The following SPART variants were observed in gnomAD, a reference collection of about 807,000 sequenced individuals.
The protein encoded by SPART is spastic paraplegia 20 (Troyer syndrome).
In SPART, 35 loss-of-function variants were observed where a neutral mutation model predicts 58.7. The observed-to-expected ratio is 0.60, with a 90% CI of 0.46 to 0.79. The LOEUF is 0.79. SPART is among the 30% of genes least tolerant of loss of function. SPART has a pLI of 0.00. For missense variants in SPART, 730 were observed against 786.1 expected (o/e 0.93, Z 0.85); for synonymous variants, 284 against 280.7 (o/e 1.01, Z -0.12).
chr13:36,331,454 T>C lies in SPART; in HGVS notation c.953A>G (p.Asp318Gly), dbSNP rs1253035993. 2 of 1,614,084 alleles carry C rather than the reference T, an allele frequency of 1.2e-6. No individual in the cohort carries two copies. Among genetic ancestry groups the C allele is most frequent in the South Asian group, 2.2e-5 (2 of 91,074 alleles). Reference sequence around the variant, plus strand: ...CAGATCCTCAAAGAGCTCTCTATCATCCTCTGGTAACTCAGAGGACAGGAC... The same window carrying C: ...CAGATCCTCAAAGAGCTCTCTATCACCCTCTGGTAACTCAGAGGACAGGAC... ...GVVLSSELPE[D>G]DRELFEDLLR... Residue 318 changes from aspartate to glycine, a missense_variant, in exon 3 of 9, where the codon GAT becomes GGT. Coordinates refer to ENST00000438666, the MANE Select transcript of SPART (RefSeq NM_015087.5).
At chr13:36,334,494 C>T (rs1044467833) in intron 2 of SPART, among the ~76,000 whole-genome samples, 8 of 152,024 alleles carry the variant, frequency 5.3e-5, no homozygotes, top group African/African-American at 1.9e-4. Flanking sequence ...GCATCCGTGG[C>T]CTCTATCCAC....
At chr13:36,321,344 T>A (rs568696758) in intron 5 of SPART, among the ~76,000 whole-genome samples, 37 of 152,326 alleles carry the variant, frequency 2.4e-4, no homozygotes, top group African/African-American at 8.9e-4. Context: ...AGTAAATAAA[T>A]AATCTTTGCT....
intron 5 of SPART, among the ~76,000 whole-genome samples, chr13:36,322,666 T>C (rs947111497): frequency 7.2e-5 from 11 of 152,148 alleles, no homozygotes; most frequent in African/African-American, 9.7e-5. Context: ...AGGGGGAAAA[T>C]TGGCAGAAAA....
rs761179509 is a variant in SPART, at chr13:36,335,749, T to C, written c.82A>G (p.Asn28Asp). 4.3e-6 allele frequency: 7 copies of C among 1,613,958 alleles called. No individual in the cohort carries two copies. In the African/African-American group the frequency reaches 8.0e-5, roughly 18 times the overall value. ...EAYKKAFLFV[N>D]KGLNTDELGQ... ...AATTCATCTGTATTCAGACCTTTGT[T>C]AACAAATAAAAAGGCCTTCTTATAT... Residue 28 changes from asparagine (N) to aspartate (D), a missense_variant, in exon 2 of 9, where the codon AAC becomes GAC. Asn to Asp is a conservative substitution (Grantham distance 23, BLOSUM62 1). Transcript: ENST00000438666.
chr13:36,349,666 T>C (rs919418920), upstream of SPART, among the ~76,000 whole-genome samples: 1 of 152,228 alleles, frequency 6.6e-6, no homozygotes, highest in Non-Finnish European at 1.5e-5. Flanking sequence ...TAATACTGAA[T>C]TATGAAGCTG....
At chr13:36,360,871 T>A (rs1160555308) in intron 1 of SPART, 1 of 152,612 alleles carries the variant, frequency 6.6e-6, no homozygotes, top group Non-Finnish European at 1.5e-5. Flanking sequence ...TGGTAGTTAG[T>A]CTTTTAATAC....
intron 1 of SPART, among the ~76,000 whole-genome samples, chr13:36,352,909 A>G (rs906736264): frequency 6.6e-6 from 1 of 152,188 alleles, no homozygotes. Context: ...ACAGTGAGCC[A>G]TGTTCACATC....
At position 36,302,644 on chromosome 13, in the gene SPART, T is replaced by G. The variant is rs2137238391; in HGVS notation, c.*1721A>C. The G allele has an allele frequency of 6.6e-6, 1 of 152,324 alleles. No homozygotes were observed. The highest frequency in any genetic ancestry group is 2.4e-5 in the African/African-American group (1 of 41,580). 9.4% of individuals were successfully genotyped at this position (152,324 alleles called of 1,614,324 possible). A position where few individuals can be genotyped will look rare whatever the true frequency, so the allele number is the denominator to read the frequency against. Reference sequence around the variant, plus strand: ...ATGGGTACATGGTAGGTGTATATATTTATGGGATACATGAGATATTTTGAT... The same window carrying G: ...ATGGGTACATGGTAGGTGTATATATGTATGGGATACATGAGATATTTTGAT... On this transcript the variant is annotated 3_prime_UTR_variant, in exon 9 of 9. Coordinates refer to ENST00000438666, the MANE Select transcript of SPART (RefSeq NM_015087.5).
rs1184240207 is a variant in SPART, at chr13:36,318,937, C to A, written c.1289-4516G>T. 2.0e-5 allele frequency among the ~76,000 whole-genome samples: 3 copies of A among 152,144 alleles called. No individual in the cohort carries two copies. In the East Asian group the frequency reaches 5.8e-4, roughly 29 times the overall value. On this transcript the variant is annotated intron_variant, in intron 5 of 8. Transcript: ENST00000438666. ...GAAGACTGACACTGCCCGATCGCCT[C>A]GGAAGCCCCCTAGACCATCACGGAC...
chr13:36,340,903 TCA>T (rs1212475351), intron 1 of SPART, among the ~76,000 whole-genome samples: 1 of 152,198 alleles, frequency 6.6e-6, no homozygotes, highest in Non-Finnish European at 1.5e-5. Context: ...ACTAAATGTT[TCA>T]GTTTTGATTG....
chr13:36,318,137 G>C (rs1048973730), intron 5 of SPART, among the ~76,000 whole-genome samples: 1 of 152,090 alleles, frequency 6.6e-6, no homozygotes, highest in Admixed American at 6.5e-5. Flanking sequence ...CTGCCAGGCC[G>C]AGCTAGGTCC....
upstream of SPART, among the ~76,000 whole-genome samples, chr13:36,350,657 A>G (rs1251282589): frequency 2.6e-5 from 4 of 152,322 alleles, no homozygotes; most frequent in Middle Eastern, 3.4e-3. Flanking sequence ...TCTAAAAAAA[A>G]TAATTCTCTA....
intron 5 of SPART, among the ~76,000 whole-genome samples, chr13:36,317,587 C>A (rs1237974007): frequency 1.3e-5 from 2 of 151,236 alleles, no homozygotes; most frequent in Non-Finnish European, 2.9e-5. Context: ...TATTTCCACG[C>A]CCTGACCTCT....
intron 8 of SPART, among the ~76,000 whole-genome samples, chr13:36,310,796 C>T (rs534197317): frequency 2.6e-5 from 4 of 152,124 alleles, no homozygotes; most frequent in African/African-American, 7.2e-5. Flanking sequence ...AGGAAGAACA[C>T]CCATAGACTT....
intron 1 of SPART, among the ~76,000 whole-genome samples, chr13:36,339,512 C>T (rs1200384960): frequency 2.7e-5 from 4 of 150,908 alleles, no homozygotes; most frequent in African/African-American, 9.7e-5. Context: ...TGCACCTGTA[C>T]CCCAGCTACT....
rs2137315761 is a variant in SPART, at chr13:36,312,353, A to G, written c.1608T>C (p.Asp536=). 1 of 1,614,132 alleles carries G rather than the reference A, an allele frequency of 6.2e-7. No individual in the cohort carries two copies. Among genetic ancestry groups the G allele is most frequent in the Non-Finnish European group, 8.5e-7 (1 of 1,180,012 alleles). ...KKDKDGKSPL[D]GAMVVAASSV... The stretch of plus-strand genomic sequence containing the variant: ...TACTTGCTGCTACAACCATAGCACC[A>G]TCCAGAGGAGATTTCCCATCTTTGT... The change falls in exon 7 of 9, where the codon GAT becomes GAC. Residue 536 remains aspartate, a synonymous_variant. Transcript: ENST00000438666.
Position 36,335,150 on chromosome 13 carries a change from T to C in SPART, c.681A>G (p.Gly227=). 1.2e-6 allele frequency: 2 copies of C among 1,614,104 alleles called. No individual in the cohort carries two copies. The highest frequency in any genetic ancestry group is 1.7e-6 in the Non-Finnish European group (2 of 1,179,994). ...CAGGATTTACAAAAAAAATCTGTAC[T>C]CCATTTGGTATCAAAATCAATTCAT... ...DADELILIPN[G]VQIFFVNPAG... Residue 227 remains glycine, a synonymous_variant, in exon 2 of 9, where the codon GGA becomes GGG. Transcript: ENST00000438666.
intron 1 of SPART, among the ~76,000 whole-genome samples, chr13:36,358,625 G>A (rs9531889): frequency 0.064 from 9,670 of 152,208 alleles, 450 homozygotes; most frequent in Middle Eastern, 0.15. Flanking sequence ...TAATTTATAT[G>A]TAGAGAAGTC....
intron 1 of SPART, among the ~76,000 whole-genome samples, chr13:36,337,703 T>C (rs1360725562): frequency 1.3e-5 from 2 of 152,192 alleles, no homozygotes; most frequent in East Asian, 1.9e-4. Flanking sequence ...AACGGACTAA[T>C]ACAGTAGCCA....
Sources: gnomAD v4.1 joint callset for allele counts (sites outside exome capture counted in the v4.1 genomes callset) on GRCh38, gnomAD v4.1.1 for gene constraint, MANE v1.5 for transcripts, NCBI Gene and HGNC (gene_info 2026-07-23, HGNC 2026-07-21) for gene names.